Variants in RB1CC1 observed in about 807,000 individuals in gnomAD.
RB1CC1 encodes RB1-inducible coiled-coil protein 1.
Under a neutral mutation model 177.5 loss-of-function variants are expected in RB1CC1, and 46 were observed. The ratio of observed to expected loss-of-function variants is 0.26; its 90% confidence interval spans 0.20 to 0.33. The LOEUF (loss-of-function observed/expected upper bound fraction) is 0.33. RB1CC1 is among the 10% of genes least tolerant of loss of function. RB1CC1 has a pLI of 1.00. For synonymous variants in RB1CC1, 666 were observed against 613.6 expected, an observed-to-expected ratio of 1.09 and a Z score of -1.26; for missense variants, 1,703 against 1,816.3, an observed-to-expected ratio of 0.94 and a Z score of 1.13.
At chr8:52,690,124 C>G (rs771653826) in intron 1 of RB1CC1, among the ~76,000 whole-genome samples, 24 of 152,206 alleles carry the variant, frequency 1.6e-4, no homozygotes, top group Non-Finnish European at 3.2e-4. Flanking sequence ...CAAAAGGAAG[C>G]TAGAGATAAA....
Position 52,642,561 on chromosome 8 carries a change from G to T in RB1CC1, c.4127C>A (p.Ala1376Asp). 6.2e-7 allele frequency: 1 copy of T among 1,613,846 alleles called. No individual in the cohort carries two copies. Among genetic ancestry groups the T allele is most frequent in the East Asian group, 2.2e-5 (1 of 44,810 alleles). ...CTTTTTCTTTTCCTCAAGCAAACGA[G>T]CTCGATCTTCAGAAAGTGACTCTAT... ...DLIESLSEDR[A>D]RLLEEKKKLE... Residue 1376 changes from alanine to aspartate, a missense_variant, in exon 18 of 24, where the codon GCT becomes GAT. Physicochemically the swap from Ala to Asp is moderately radical, Grantham distance 126 (BLOSUM62 -2). Around this residue, in one of 6 missense-constraint regions of RB1CC1, gnomAD observed 1,169 missense variants for 1,184.7 expected, o/e 0.99. Transcript: ENST00000025008.
chr8:52,656,581 G>T lies in RB1CC1; in HGVS notation c.3248C>A (p.Ala1083Asp). ...EIKILLEESR[A>D]QQKETLKSLL... is the part of the protein sequence containing the mutation. ...AGATTTCAAGGTCTCCTTCTGCTGG[G>T]CTCTGCTTTCTTCCAGCAAAATTTT... The change falls in exon 15 of 24, where the codon GCC becomes GAC. Residue 1083 changes from alanine to aspartate, a missense_variant. Physicochemically the swap from Ala to Asp is moderately radical, Grantham distance 126. Around this residue, in one of 6 missense-constraint regions of RB1CC1, gnomAD observed 1,169 missense variants for 1,184.7 expected, o/e 0.99. Coordinates refer to ENST00000025008, the MANE Select transcript of RB1CC1 (RefSeq NM_014781.5). 6.2e-7 allele frequency: 1 copy of T among 1,612,610 alleles called. No homozygotes were observed. Among genetic ancestry groups the T allele is most frequent in the East Asian group, 2.2e-5 (1 of 44,836 alleles).
chr8:52,674,640 C>A (rs1382357809), intron 6 of RB1CC1, among the ~76,000 whole-genome samples: 3 of 152,146 alleles, frequency 2.0e-5, no homozygotes, highest in Middle Eastern at 6.8e-3. Context: ...TGGTGGCAGG[C>A]ACCTGCAATC....
At chr8:52,684,035 A>G in intron 3 of RB1CC1, 22 bp from the exon 4 acceptor site, 1 of 1,603,666 alleles carries the variant, frequency 6.2e-7, no homozygotes, top group Non-Finnish European at 8.5e-7. Flanking sequence ...GAAATAAAAT[A>G]AATCAGTTGT....
intron 15 of RB1CC1, among the ~76,000 whole-genome samples, chr8:52,654,982 G>C (rs1047629352): frequency 2.0e-5 from 3 of 152,144 alleles, no homozygotes; most frequent in African/African-American, 7.2e-5. Flanking sequence ...TACTGCAATA[G>C]TGTCTGAATA....
At chr8:52,690,969 C>T (rs1229452539) in intron 1 of RB1CC1, among the ~76,000 whole-genome samples, 1 of 152,164 alleles carries the variant, frequency 6.6e-6, no homozygotes, top group Non-Finnish European at 1.5e-5. Context: ...GAATTTTCTC[C>T]TTCATAACCA....
intron 20 of RB1CC1, among the ~76,000 whole-genome samples, chr8:52,631,386 T>C (rs932789821): frequency 2.6e-5 from 4 of 152,116 alleles, no homozygotes; most frequent in African/African-American, 9.7e-5. Context: ...GGAAGATCAC[T>C]TGAGCCTGGA....
intron 5 of RB1CC1, among the ~76,000 whole-genome samples, chr8:52,681,476 T>G (rs953587955): frequency 2.0e-5 from 3 of 152,152 alleles, no homozygotes; most frequent in African/African-American, 7.2e-5. Flanking sequence ...TCAGAAAATC[T>G]GACTTTAGAG....
chr8:52,704,416 C>A (rs1419185560), intron 1 of RB1CC1, among the ~76,000 whole-genome samples: 1 of 143,900 alleles, frequency 6.9e-6, no homozygotes, highest in African/African-American at 2.6e-5. Flanking sequence ...AAAAGTTAGA[C>A]TGAGAAAGAA....
chr8:52,685,361 A>C, intron 3 of RB1CC1, 38 bp downstream of exon 3: 5 of 1,420,044 alleles, frequency 3.5e-6, no homozygotes, highest in Non-Finnish European at 3.9e-6. Context: ...CTGCATGCAG[A>C]CAGAATGCGA....
In RB1CC1 at chr8:52,636,921, T is replaced by C. The variant is rs537034689; in HGVS notation, c.4338-852A>G. Among the ~76,000 whole-genome samples the C allele has an allele frequency of 2.0e-5, 3 of 152,332 alleles. No individual in the cohort carries two copies. In the South Asian group the frequency reaches 6.2e-4, roughly 32 times the overall value. ...AACCGACCATGAATACGAGGGCTAA[T>C]TTTGGACTCTCAATTCTATTCCACT... On this transcript the variant is annotated intron_variant, in intron 18 of 23. Coordinates refer to ENST00000025008, the MANE Select transcript of RB1CC1 (RefSeq NM_014781.5).
intron 15 of RB1CC1, among the ~76,000 whole-genome samples, chr8:52,649,802 C>A (rs895488989): frequency 6.6e-6 from 1 of 152,182 alleles, no homozygotes; most frequent in Non-Finnish European, 1.5e-5. Flanking sequence ...ACGTTCCACT[C>A]TTATTTCTTT....
At chr8:52,628,932 AG>A (rs1848576511) in intron 21 of RB1CC1, among the ~76,000 whole-genome samples, 1 of 152,232 alleles carries the variant, frequency 6.6e-6, no homozygotes, top group African/African-American at 2.4e-5. Flanking sequence ...ACAAATACTT[AG>A]TGATTACCTA....
chr8:52,644,717 G>C (rs1310024954), intron 16 of RB1CC1, among the ~76,000 whole-genome samples: 1 of 151,988 alleles, frequency 6.6e-6, no homozygotes, highest in Non-Finnish European at 1.5e-5. Flanking sequence ...AAAATTGTTA[G>C]AGGTTTCAAC....
Position 52,657,768 on chromosome 8 carries a change from T to C in RB1CC1, c.2061A>G (p.Leu687=), listed in dbSNP as rs35764642. 1,701 of 1,613,960 alleles carry C rather than the reference T, an allele frequency of 1.1e-3. 25 individuals are homozygous for C. The East Asian group carries it at 0.034, about 32-fold the overall frequency. ...QDPLCPAVCP[L]EELSPDSIDA... ...CAATACTATCTGGAGATAATTCTTC[T>C]AAGGGACAAACTGCAGGACATAAGG... Residue 687 remains leucine, a synonymous_variant, in exon 15 of 24, where the codon TTA becomes TTG. Transcript: ENST00000025008.
intron 1 of RB1CC1, among the ~76,000 whole-genome samples, chr8:52,707,180 C>G (rs1387369893): frequency 6.6e-6 from 1 of 152,096 alleles, no homozygotes; most frequent in Admixed American, 6.6e-5. Context: ...GTTATGTAAA[C>G]CATAAAGTGA....
At chr8:52,629,308 T>C (rs557608597) in intron 21 of RB1CC1, among the ~76,000 whole-genome samples, 2 of 152,318 alleles carry the variant, frequency 1.3e-5, no homozygotes, top group South Asian at 4.1e-4. Flanking sequence ...CTGAACACTA[T>C]TCATAAGTTG....
At chr8:52,701,097 T>C (rs1277039304) in intron 1 of RB1CC1, among the ~76,000 whole-genome samples, 1 of 152,186 alleles carries the variant, frequency 6.6e-6, no homozygotes, top group Non-Finnish European at 1.5e-5. Flanking sequence ...TACAACCTTA[T>C]GTATATAACA....
chr8:52,645,623 G>A, intron 16 of RB1CC1, 79 bp downstream of exon 16: 1 of 1,406,640 alleles, frequency 7.1e-7, no homozygotes, highest in Non-Finnish European at 9.7e-7. Context: ...GAAACCCTCA[G>A]CTACATAAAG....
Sources: gnomAD v4.1 joint callset for allele counts (sites outside exome capture counted in the v4.1 genomes callset) on GRCh38, gnomAD v4.1.1 for gene constraint, gnomAD v4.1.1 regional missense constraint, MANE v1.5 for transcripts, NCBI Gene and HGNC (gene_info 2026-07-23, HGNC 2026-07-21) for gene names.